Variants in CDH13 observed in about 807,000 individuals in gnomAD.
CDH13 encodes the protein cadherin-13.
In CDH13, 24 loss-of-function variants were observed where a neutral mutation model predicts 63.8. The ratio of observed to expected loss-of-function variants is 0.38; its 90% CI spans 0.27 to 0.53. The LOEUF is 0.53. Ranked by LOEUF, CDH13 falls within the 20% of genes least tolerant of loss-of-function variation. The pLI is 0.85. For synonymous variants in CDH13, 503 were observed against 355.3 expected (o/e 1.42, Z -4.67); for missense variants, 1,049 against 903.1 (o/e 1.16, Z -2.07).
intron 11 of CDH13, among the ~76,000 whole-genome samples, chr16:83,760,129 C>G (rs1913846136): frequency 6.6e-6 from 1 of 151,880 alleles, no homozygotes; most frequent in African/African-American, 2.4e-5. Context: ...AATTAAAACA[C>G]AAATTAATCA....
intron 4 of CDH13, among the ~76,000 whole-genome samples, chr16:83,198,618 A>G (rs2038942324): frequency 1.3e-5 from 2 of 152,194 alleles, no homozygotes; most frequent in African/African-American, 4.8e-5. Context: ...GACATATTTC[A>G]TCCTCTCCAT....
At chr16:83,557,013 G>A (rs1367283717) in intron 7 of CDH13, among the ~76,000 whole-genome samples, 2 of 152,226 alleles carry the variant, frequency 1.3e-5, no homozygotes, top group East Asian at 3.9e-4. Context: ...AGCAGGAGAG[G>A]TGAGCAGTGG....
intron 11 of CDH13, among the ~76,000 whole-genome samples, chr16:83,766,451 A>G (rs776336766): frequency 6.6e-6 from 1 of 152,204 alleles, no homozygotes; most frequent in Non-Finnish European, 1.5e-5. Context: ...CACTTATTAT[A>G]TGGGCTTCCT....
At chr16:83,450,480 C>T (rs1233418165) in intron 6 of CDH13, among the ~76,000 whole-genome samples, 1 of 152,144 alleles carries the variant, frequency 6.6e-6, no homozygotes, top group African/African-American at 2.4e-5. Context: ...GATTCATTAC[C>T]AGGATTTTGT....
intron 8 of CDH13, among the ~76,000 whole-genome samples, chr16:83,633,516 G>A (rs992159080): frequency 1.3e-5 from 2 of 152,194 alleles, no homozygotes; most frequent in Non-Finnish European, 2.9e-5. Context: ...AGGTCTGAAA[G>A]GAGTTTGTTT....
At chr16:83,727,654 T>C (rs1316292331) in intron 10 of CDH13, among the ~76,000 whole-genome samples, 1 of 152,032 alleles carries the variant, frequency 6.6e-6, no homozygotes, top group Non-Finnish European at 1.5e-5. Context: ...TACATCAACA[T>C]TAGAAGCCCT....
chr16:82,883,101 G>T (rs1387746534), intron 2 of CDH13, among the ~76,000 whole-genome samples: 1 of 152,166 alleles, frequency 6.6e-6, no homozygotes, highest in East Asian at 1.9e-4. Context: ...CTGAGGCTGT[G>T]ACAATGGGGT....
At chr16:83,034,862 CCT>C (rs765196515) in intron 3 of CDH13, among the ~76,000 whole-genome samples, 2 of 152,200 alleles carry the variant, frequency 1.3e-5, no homozygotes, top group Non-Finnish European at 2.9e-5. Flanking sequence ...ACAAAGCTCC[CCT>C]GAGTCCTGGC....
chr16:83,068,220 G>C (rs1017361806), intron 3 of CDH13, among the ~76,000 whole-genome samples: 1 of 152,194 alleles, frequency 6.6e-6, no homozygotes, highest in Admixed American at 6.6e-5. Context: ...TTAAGTGCCA[G>C]ACATCATTCT....
chr16:83,460,513 G>A (rs1446357770), intron 6 of CDH13, among the ~76,000 whole-genome samples: 2 of 152,288 alleles, frequency 1.3e-5, no homozygotes, highest in South Asian at 4.1e-4. Flanking sequence ...CCGGCAGTGT[G>A]TACGTCTGAT....
chr16:83,043,510 T>C (rs1156327117), intron 3 of CDH13, among the ~76,000 whole-genome samples: 1 of 151,392 alleles, frequency 6.6e-6, no homozygotes. Context: ...TGTGTGTGTG[T>C]GTGTGTGTGT....
chr16:82,714,541 C>A (rs1166067332), intron 1 of CDH13, among the ~76,000 whole-genome samples: 2 of 151,618 alleles, frequency 1.3e-5, no homozygotes, highest in Non-Finnish European at 2.9e-5. Context: ...TAGGGAAGCC[C>A]TGTCTCTACT....
intron 5 of CDH13, among the ~76,000 whole-genome samples, chr16:83,217,984 G>A (rs1285114414): frequency 6.6e-5 from 10 of 152,212 alleles, no homozygotes; most frequent in African/African-American, 1.7e-4. Context: ...AAGAAGTTGT[G>A]TTATATGGGA....
chr16:82,733,886 C>T (rs1043051239), intron 1 of CDH13, among the ~76,000 whole-genome samples: 2 of 152,244 alleles, frequency 1.3e-5, no homozygotes, highest in East Asian at 3.8e-4. Flanking sequence ...TAGCACCTAT[C>T]ATGAACCAGT....
chr16:83,561,276 A>T (rs1788517109), intron 7 of CDH13, among the ~76,000 whole-genome samples: 1 of 149,788 alleles, frequency 6.7e-6, no homozygotes, highest in Non-Finnish European at 1.5e-5. Flanking sequence ...GAGAAATCCC[A>T]TCTCTACTAA....
chr16:82,947,995 A>C lies in CDH13; in HGVS notation c.158-84015A>C, dbSNP rs371778835. 1.3e-3 allele frequency among the ~76,000 whole-genome samples: 196 copies of C among 152,304 alleles called. 1 individual carries two copies. Among genetic ancestry groups the C allele is most frequent in the African/African-American group, 4.4e-3 (183 of 41,572 alleles). ...ACCATATTGAATTCATTTGGCATTCATGTGGACTTCACATGTATTTATGGA... is the reference window on the plus strand; with the variant it reads ...ACCATATTGAATTCATTTGGCATTCCTGTGGACTTCACATGTATTTATGGA... On this transcript the variant is annotated intron_variant, in intron 2 of 13. Transcript: ENST00000567109.
Position 83,519,885 on chromosome 16 carries a change from G to A in CDH13, c.960+33230G>A, listed in dbSNP as rs575373691. Among the ~76,000 whole-genome samples, 5 of 152,174 alleles carry A rather than the reference G, an allele frequency of 3.3e-5. No individual in the cohort carries two copies. The East Asian group carries it at 5.8e-4, about 18-fold the overall frequency. On this transcript the variant is annotated intron_variant, in intron 7 of 13. Coordinates refer to ENST00000567109, the MANE Select transcript of CDH13 (RefSeq NM_001257.5). ...AGAGCTGGGGGACAAAGGAAGAGTC[G>A]CAGATGATCAGAAAGGAGATGTGAA...
chr16:83,578,360 G>C (rs1905236762), intron 7 of CDH13, among the ~76,000 whole-genome samples: 1 of 152,102 alleles, frequency 6.6e-6, no homozygotes, highest in South Asian at 2.1e-4. Context: ...GTCAATCCCT[G>C]GCAGATCTGT....
chr16:83,019,398 G>A (rs936135614), intron 2 of CDH13, among the ~76,000 whole-genome samples: 4 of 151,694 alleles, frequency 2.6e-5, no homozygotes, highest in Admixed American at 6.6e-5. Flanking sequence ...GTCTTTAGGG[G>A]TTATAACACG....
Sources: gnomAD v4.1 joint callset for allele counts (sites outside exome capture counted in the v4.1 genomes callset) on GRCh38, gnomAD v4.1.1 for gene constraint, MANE v1.5 for transcripts, NCBI Gene and HGNC (gene_info 2026-07-23, HGNC 2026-07-21) for gene names.